ABLIM1: variants seen among roughly 807,000 people sequenced by gnomAD.
ABLIM1 encodes the protein actin-binding LIM protein 1.
ABLIM1 carries 40 observed loss-of-function variants against 107.0 expected under a neutral mutation model. The observed-to-expected ratio is 0.37, with a 90% confidence interval of 0.29 to 0.49. The LOEUF is 0.49. ABLIM1 is among the 20% of genes least tolerant of loss of function. The probability of loss-of-function intolerance (pLI) is 0.97; values close to 1 mark genes in which losing one functional copy is unlikely to be tolerated. For synonymous variants in ABLIM1, 357 were observed against 357.3 expected, an observed-to-expected ratio of 1.00 and a Z score of 0.01; for missense variants, 857 against 1,008.5, an observed-to-expected ratio of 0.85 and a Z score of 2.04.
intron 6 of ABLIM1, among the ~76,000 whole-genome samples, chr10:114,521,053 T>C (rs1280148243): frequency 6.6e-6 from 1 of 152,204 alleles, no homozygotes; most frequent in Non-Finnish European, 1.5e-5. Flanking sequence ...TATGAACTGA[T>C]AGGCTCATGT....
intron 6 of ABLIM1, among the ~76,000 whole-genome samples, chr10:114,514,779 C>T (rs1237599779): frequency 2.0e-5 from 3 of 152,162 alleles, no homozygotes; most frequent in Non-Finnish European, 4.4e-5. Context: ...CTCCCACAGG[C>T]CATTTAGCAG....
At chr10:114,578,086 C>T (rs1208802067) in intron 2 of ABLIM1, among the ~76,000 whole-genome samples, 1 of 152,154 alleles carries the variant, frequency 6.6e-6, no homozygotes, top group Admixed American at 6.5e-5. Flanking sequence ...TCTCCTCCCT[C>T]TATGATGTAA....
At chr10:114,442,880 C>T (rs998843609) in intron 17 of ABLIM1, among the ~76,000 whole-genome samples, 1 of 152,100 alleles carries the variant, frequency 6.6e-6, no homozygotes, top group Non-Finnish European at 1.5e-5. Context: ...TCACTCTCAC[C>T]CAGGCTGGAG....
chr10:114,584,200 A>C (rs1231951315), intron 2 of ABLIM1, among the ~76,000 whole-genome samples: 1 of 152,026 alleles, frequency 6.6e-6, no homozygotes, highest in Non-Finnish European at 1.5e-5. Context: ...CCATCCCTGC[A>C]CCTTCCTAGG....
rs147218441 is a variant in ABLIM1 at position 114,534,577 on chromosome 10, C to G, written c.894+10428G>C. Among the ~76,000 whole-genome samples the G allele has an allele frequency of 2.9e-3, 435 of 152,136 alleles. 5 individuals are homozygous for G. Among genetic ancestry groups the G allele is most frequent in the African/African-American group, 0.01 (422 of 41,496 alleles). Reference sequence around the variant, plus strand: ...CTCCATGACTTTTAAAGACGCATGCCTTATCTCTCTGAGAACAAGTCCTAA... The same window carrying G: ...CTCCATGACTTTTAAAGACGCATGCGTTATCTCTCTGAGAACAAGTCCTAA... On this transcript the variant is annotated intron_variant, in intron 6 of 22. Coordinates refer to ENST00000533213, the MANE Select transcript of ABLIM1 (RefSeq NM_002313.7).
chr10:114,767,581 T>C (rs2082927363), intron 1 of ABLIM1, among the ~76,000 whole-genome samples: 1 of 151,712 alleles, frequency 6.6e-6, no homozygotes, highest in Non-Finnish European at 1.5e-5. Context: ...GAAGGGGAGA[T>C]TCATGCAGAG....
intron 1 of ABLIM1, among the ~76,000 whole-genome samples, chr10:114,640,615 TA>T (rs564368309): frequency 6.6e-6 from 1 of 152,224 alleles, no homozygotes; most frequent in Non-Finnish European, 1.5e-5. Context: ...TCTACTGTTC[TA>T]AAAAGAATAA....
the ABLIM1 span, among the ~76,000 whole-genome samples, chr10:114,791,535 G>C: frequency 1.3e-5 from 2 of 152,000 alleles, no homozygotes; most frequent in African/African-American, 4.8e-5. Flanking sequence ...CTACTCGGGA[G>C]GCTGAGGCAG....
intron 17 of ABLIM1, 92 bp downstream of exon 17, chr10:114,443,937 T>C (rs771859664): frequency 9.9e-7 from 1 of 1,009,744 alleles, no homozygotes; most frequent in Admixed American, 2.4e-5. Context: ...GAATACTCTG[T>C]AGGTTCCACC....
At chr10:114,532,501 C>A (rs1469963528) in intron 6 of ABLIM1, among the ~76,000 whole-genome samples, 6 of 152,216 alleles carry the variant, frequency 3.9e-5, no homozygotes, top group Non-Finnish European at 2.9e-5. Context: ...GCAGCCTGTC[C>A]ATGGTGGCAG....
At chr10:114,595,138 C>A (rs200221595) in intron 2 of ABLIM1, 128 of 141,976 alleles carry the variant, frequency 9.0e-4, no homozygotes, top group African/African-American at 1.6e-3. Context: ...AAGTTTCTGG[C>A]AAAAAAAAAA....
chr10:114,480,651 G>T (rs981148515), intron 8 of ABLIM1, among the ~76,000 whole-genome samples: 1 of 152,190 alleles, frequency 6.6e-6, no homozygotes, highest in Non-Finnish European at 1.5e-5. Context: ...AGAGTATTTT[G>T]CCAGTAAGAT....
At chr10:114,523,626 C>T (rs1203596747) in intron 6 of ABLIM1, among the ~76,000 whole-genome samples, 1 of 152,196 alleles carries the variant, frequency 6.6e-6, no homozygotes, top group Non-Finnish European at 1.5e-5. Flanking sequence ...ACTCTTCCTG[C>T]ATCCTTCAAA....
chr10:114,758,156 A>T (rs542083509), intron 1 of ABLIM1, among the ~76,000 whole-genome samples: 2 of 152,034 alleles, frequency 1.3e-5, no homozygotes, highest in African/African-American at 2.4e-5. Flanking sequence ...TCTTTTTTAA[A>T]TTTTTTTCAC....
intron 6 of ABLIM1, among the ~76,000 whole-genome samples, chr10:114,520,708 T>C (rs1395591771): frequency 2.0e-5 from 3 of 152,078 alleles, no homozygotes; most frequent in African/African-American, 7.2e-5. Context: ...TGGTGCTTCA[T>C]GCCTGTAATC....
At chr10:114,465,545 TA>T in intron 12 of ABLIM1, 152 bp downstream of exon 12, 1 of 834,594 alleles carries the variant, frequency 1.2e-6, no homozygotes, top group Non-Finnish European at 1.8e-6. Flanking sequence ...AGATAGAGCA[TA>T]AAATATAGTT....
At chr10:114,648,899 G>A (rs1591728294) in intron 1 of ABLIM1, among the ~76,000 whole-genome samples, 1 of 152,028 alleles carries the variant, frequency 6.6e-6, no homozygotes, top group Non-Finnish European at 1.5e-5. Context: ...GAGAGGTCTG[G>A]AGAGACTCCA....
intron 1 of ABLIM1, among the ~76,000 whole-genome samples, chr10:114,716,060 C>T (rs1003710120): frequency 2.6e-5 from 4 of 152,154 alleles, no homozygotes; most frequent in Non-Finnish European, 1.5e-5. Flanking sequence ...CTAACCCAAA[C>T]AATCAAGTGT....
Position 114,665,675 on chromosome 10 carries a change from A to G in ABLIM1, c.64+18615T>C, listed in dbSNP as rs574334381. ...GGAAAACTGTTGGCATGGATCCACAAATACATTTCACACTGATTCAATATT... is the reference window on the plus strand; with the variant it reads ...GGAAAACTGTTGGCATGGATCCACAGATACATTTCACACTGATTCAATATT... On this transcript the variant is annotated intron_variant, in intron 1 of 23. Transcript: ENST00000369256. Among the ~76,000 whole-genome samples the G allele has an allele frequency of 3.3e-5, 5 of 152,346 alleles. 1 individual carries two copies. The South Asian group carries it at 1.0e-3, about 32-fold the overall frequency.
Sources: gnomAD v4.1 joint callset for allele counts (sites outside exome capture counted in the v4.1 genomes callset) on GRCh38, gnomAD v4.1.1 for gene constraint, MANE v1.5 for transcripts, NCBI Gene and HGNC (gene_info 2026-07-23, HGNC 2026-07-21) for gene names.